Variants in TRIQK observed in about 807,000 individuals in gnomAD.
TRIQK encodes triple QxxK/R motif containing.
In TRIQK, 10 loss-of-function variants were observed where a neutral mutation model predicts 10.8. The ratio of observed to expected loss-of-function variants is 0.92; its 90% CI spans 0.57 to 1.57. TRIQK has a LOEUF of 1.57. Ranked by LOEUF, TRIQK falls within the 40% of genes most tolerant of loss-of-function variation. TRIQK has a pLI of 0.00. For missense variants in TRIQK, 107 were observed against 97.7 expected, an observed-to-expected ratio of 1.09 and a Z score of -0.40; for synonymous variants, 33 against 33.7, an observed-to-expected ratio of 0.98 and a Z score of 0.07.
Position 92,884,887 on chromosome 8 carries a change from A to C in TRIQK, c.*1735T>G. 2 of 456,110 alleles carry C rather than the reference A, an allele frequency of 4.4e-6. No individual in the cohort carries two copies. The highest frequency in any genetic ancestry group is 8.8e-6 in the Non-Finnish European group (2 of 226,686). 28.3% of individuals were successfully genotyped at this position (456,110 alleles called of 1,614,324 possible). On this transcript the variant is annotated 3_prime_UTR_variant, in exon 5 of 5. Coordinates refer to ENST00000521988, the MANE Select transcript of TRIQK (RefSeq NM_001171797.2). ...AGTATTTCTTGACATGTGGCATGTC[A>C]CTCAGGAAAGTAAAAGGCCCATCAT...
rs184273963 is a variant in TRIQK, at chr8:92,946,750, T to C, written c.-22+7656A>G. Among the ~76,000 whole-genome samples the C allele has an allele frequency of 2.0e-5, 3 of 151,626 alleles. No homozygotes were observed. In the East Asian group the frequency reaches 5.8e-4, roughly 29 times the overall value. ...TCCCTACCATTTATTTTTTATTTTTTATTTTATTTTACTTTTTTTTTTTTT... is the reference window on the plus strand; with the variant it reads ...TCCCTACCATTTATTTTTTATTTTTCATTTTATTTTACTTTTTTTTTTTTT... On this transcript the variant is annotated intron_variant, in intron 2 of 4. Coordinates refer to ENST00000521988, the MANE Select transcript of TRIQK (RefSeq NM_001171797.2).
chr8:92,907,380 C>G (rs1809331196), intron 3 of TRIQK, among the ~76,000 whole-genome samples: 1 of 152,066 alleles, frequency 6.6e-6, no homozygotes, highest in African/African-American at 2.4e-5. Flanking sequence ...GTATAGCTAC[C>G]AATTCAAGCA....
chr8:92,959,717 A>G (rs1342382769), intron 1 of TRIQK, among the ~76,000 whole-genome samples: 1 of 152,142 alleles, frequency 6.6e-6, no homozygotes, highest in East Asian at 1.9e-4. Context: ...GAAATATTGT[A>G]AATCAAACCA....
chr8:92,893,944 A>T (rs981926558), intron 3 of TRIQK, among the ~76,000 whole-genome samples: 1 of 152,044 alleles, frequency 6.6e-6, no homozygotes, highest in African/African-American at 2.4e-5. Flanking sequence ...TGGATAATGT[A>T]TCTGTCATAA....
intron 2 of TRIQK, among the ~76,000 whole-genome samples, chr8:92,948,394 A>G (rs1393072944): frequency 6.6e-6 from 1 of 152,192 alleles, no homozygotes; most frequent in African/African-American, 2.4e-5. Context: ...TTTAAAACAA[A>G]TGATCATTTT....
intron 2 of TRIQK, among the ~76,000 whole-genome samples, chr8:92,932,407 C>T (rs1394582095): frequency 1.3e-5 from 2 of 151,994 alleles, no homozygotes; most frequent in African/African-American, 2.4e-5. Flanking sequence ...CTAAACTGAC[C>T]AATACAGTGT....
At chr8:92,920,590 C>T (rs1176278260) in intron 2 of TRIQK, among the ~76,000 whole-genome samples, 1 of 151,218 alleles carries the variant, frequency 6.6e-6, no homozygotes, top group Non-Finnish European at 1.5e-5. Flanking sequence ...CACTGTCTCA[C>T]CTGAGCCTAT....
chr8:92,901,422 T>C (rs1244530458), intron 3 of TRIQK, among the ~76,000 whole-genome samples: 3 of 152,206 alleles, frequency 2.0e-5, no homozygotes, highest in Non-Finnish European at 4.4e-5. Context: ...ATGTTCCTTC[T>C]ATACCCAGTT....
Position 92,899,871 on chromosome 8 carries a change from A to G in TRIQK, c.62-7797T>C, listed in dbSNP as rs1281015473. On this transcript the variant is annotated intron_variant, in intron 3 of 4. Transcript: ENST00000521988. ...TGTACTAATTTACATTCCCACCAAC[A>G]GTGTATGAGGGTTTCCTTTCCTCCA... Among the ~76,000 whole-genome samples, 9 of 152,264 alleles carry G rather than the reference A, an allele frequency of 5.9e-5. No homozygotes were observed. The East Asian group carries it at 1.7e-3, about 29-fold the overall frequency.
intron 2 of TRIQK, among the ~76,000 whole-genome samples, chr8:92,952,109 C>T (rs1287301254): frequency 1.3e-5 from 2 of 151,168 alleles, no homozygotes; most frequent in East Asian, 1.9e-4. Context: ...TGAAGAGATA[C>T]ACAAGCATCA....
rs1812625428 is a variant in TRIQK, at chr8:92,964,456, A to C, written c.-181+1551T>G. ...TGTTTCCCAATCTTTTCAGGTATATATATATATCTATATATATATATATAT... is the reference window on the plus strand; with the variant it reads ...TGTTTCCCAATCTTTTCAGGTATATCTATATATCTATATATATATATATAT... On this transcript the variant is annotated intron_variant, in intron 1 of 4. Transcript: ENST00000521988. Among the ~76,000 whole-genome samples the C allele has an allele frequency of 4.2e-5, 5 of 118,750 alleles. No individual in the cohort carries two copies. The South Asian group carries it at 1.5e-3, about 36-fold the overall frequency. The allele number at this position is 118,750 out of a possible 152,430, so 77.9% of individuals were successfully genotyped here.
chr8:92,948,339 G>A (rs1269585293), intron 2 of TRIQK, among the ~76,000 whole-genome samples: 1 of 152,130 alleles, frequency 6.6e-6, no homozygotes, highest in Non-Finnish European at 1.5e-5. Context: ...AGGAGACAGA[G>A]AAATTTCGCC....
chr8:93,013,092 A>G lies in TRIQK; in HGVS notation c.-181+4517T>C, dbSNP rs1325492691. On this transcript the variant is annotated intron_variant, in intron 1 of 4. Transcript: ENST00000520686. ...TTGCTAAATGTTTTCAGGATTACTC[A>G]TGGTATACAATGAGAAGGTTTCTAA... Among the ~76,000 whole-genome samples the G allele has an allele frequency of 2.6e-5, 4 of 152,172 alleles. No homozygotes were observed. The East Asian group carries it at 7.7e-4, about 29-fold the overall frequency.
chr8:92,997,299 C>G (rs1336409361), intron 1 of TRIQK, among the ~76,000 whole-genome samples: 1 of 151,812 alleles, frequency 6.6e-6, no homozygotes, highest in Non-Finnish European at 1.5e-5. Flanking sequence ...AGGAAATTTT[C>G]AAAAATATTA....
chr8:92,980,816 G>T (rs1812979316), intron 1 of TRIQK, among the ~76,000 whole-genome samples: 1 of 150,168 alleles, frequency 6.7e-6, no homozygotes, highest in Non-Finnish European at 1.5e-5. Flanking sequence ...CCAGTTTTTT[G>T]ATTATTAATA....
chr8:93,008,104 T>C (rs1395342470), intron 1 of TRIQK, among the ~76,000 whole-genome samples: 4 of 151,836 alleles, frequency 2.6e-5, no homozygotes, highest in East Asian at 1.9e-4. Flanking sequence ...CACCTGGACA[T>C]AGGAAAGAGA....
intron 1 of TRIQK, among the ~76,000 whole-genome samples, chr8:92,998,338 T>C (rs1194994215): frequency 6.6e-6 from 1 of 152,016 alleles, no homozygotes; most frequent in Non-Finnish European, 1.5e-5. Flanking sequence ...GAAATGGAAA[T>C]GGGTTTAAGC....
chr8:93,015,318 A>C (rs2130765689), intron 1 of TRIQK, among the ~76,000 whole-genome samples: 1 of 152,130 alleles, frequency 6.6e-6, no homozygotes, highest in Non-Finnish European at 1.5e-5. Flanking sequence ...CCAAAGTAAT[A>C]TAATACTACA....
At chr8:92,900,742 T>G (rs1285888045) in intron 3 of TRIQK, among the ~76,000 whole-genome samples, 1 of 152,092 alleles carries the variant, frequency 6.6e-6, no homozygotes, top group Non-Finnish European at 1.5e-5. Flanking sequence ...TGGTTTAATA[T>G]AAATGTTAGG....
Sources: allele counts gnomAD v4.1 joint callset (sites outside exome capture counted in the v4.1 genomes callset), GRCh38; gene constraint gnomAD v4.1.1; transcripts MANE v1.5; gene names NCBI Gene and HGNC (gene_info 2026-07-23, HGNC 2026-07-21).